The following DRC11 variants were observed in gnomAD, a reference collection of about 807,000 sequenced individuals.
DRC11 encodes the protein dynein regulatory complex subunit 11, also known as IQ and AAA domain-containing protein 1.
chr2:236,461,030 A>ACT, the DRC11 span, among the ~76,000 whole-genome samples: 973 of 152,330 alleles, frequency 6.4e-3, 12 homozygotes, highest in African/African-American at 0.021. This position sits in a 1 kb window ranked among gnomAD's most constrained non-coding sequence, Gnocchi z 4.0. Flanking sequence ...TATAGGGATT[A>ACT]CAGGTGTCAG....
At chr2:236,385,141 C>T in the DRC11 span, among the ~76,000 whole-genome samples, 49 of 151,950 alleles carry the variant, frequency 3.2e-4, no homozygotes, top group South Asian at 1.5e-3. Flanking sequence ...CTTGGCGACG[C>T]GGGCTCTTTT....
the DRC11 span, among the ~76,000 whole-genome samples, chr2:236,436,536 T>A: frequency 6.6e-6 from 1 of 152,162 alleles, no homozygotes; most frequent in African/African-American, 2.4e-5. Flanking sequence ...CTACTTGATT[T>A]TGCCAAATGG....
chr2:236,355,556 A>T, the DRC11 span, among the ~76,000 whole-genome samples: 2 of 152,002 alleles, frequency 1.3e-5, no homozygotes, highest in African/African-American at 2.4e-5. Flanking sequence ...GCTGCACTGG[A>T]GCCGCTAAAT....
the DRC11 span, among the ~76,000 whole-genome samples, chr2:236,504,884 G>T: frequency 6.6e-6 from 1 of 152,188 alleles, no homozygotes; most frequent in African/African-American, 2.4e-5. The surrounding 1 kb of genome is among the most constrained non-coding windows in gnomAD (Gnocchi z 5.0). Context: ...TGTCATGATT[G>T]TAAGTTTCCT....
At chr2:236,481,422 G>T in the DRC11 span, among the ~76,000 whole-genome samples, 16 of 152,124 alleles carry the variant, frequency 1.1e-4, no homozygotes, top group African/African-American at 3.1e-4. Context: ...GAATATAGAA[G>T]TCTGATTTTC....
At chr2:236,450,607 A>G in the DRC11 span, among the ~76,000 whole-genome samples, 39,586 of 151,986 alleles carry the variant, frequency 0.26, 5,451 homozygotes, top group African/African-American at 0.33. Flanking sequence ...CGTGAGCCAC[A>G]ATGCCCGGCC....
At chr2:236,345,440 C>A in the DRC11 span, among the ~76,000 whole-genome samples, 3 of 152,164 alleles carry the variant, frequency 2.0e-5, no homozygotes, top group African/African-American at 7.2e-5. Context: ...CAGTTTTCTG[C>A]TGAAAATGAA....
chr2:236,313,481 C>T, the DRC11 span, among the ~76,000 whole-genome samples: 8,150 of 152,194 alleles, frequency 0.054, 733 homozygotes, highest in African/African-American at 0.18. This position sits in a 1 kb window ranked among gnomAD's most constrained non-coding sequence, Gnocchi z 4.5. Context: ...ACTACCATTA[C>T]GGAAGATGGT....
chr2:236,504,199 T>TGGGG, the DRC11 span, among the ~76,000 whole-genome samples: 1 of 146,900 alleles, frequency 6.8e-6, no homozygotes, highest in Non-Finnish European at 1.5e-5. This position sits in a 1 kb window ranked among gnomAD's most constrained non-coding sequence, Gnocchi z 5.0. Context: ...TACACGGCGG[T>TGGGG]GGGGGGGGGC....
the DRC11 span, among the ~76,000 whole-genome samples, chr2:236,402,198 T>C: frequency 6.6e-6 from 1 of 152,148 alleles, no homozygotes; most frequent in East Asian, 1.9e-4. The surrounding 1 kb of genome is among the most constrained non-coding windows in gnomAD (Gnocchi z 6.0). Context: ...CCTCAGTTAC[T>C]TTCTGAGGCA....
the DRC11 span, among the ~76,000 whole-genome samples, chr2:236,462,330 A>G: frequency 6.6e-6 from 1 of 152,122 alleles, no homozygotes; most frequent in Non-Finnish European, 1.5e-5. The surrounding 1 kb of genome is among the most constrained non-coding windows in gnomAD (Gnocchi z 6.4). Context: ...GGAAGTCCCC[A>G]ACAGACCAGG....
At chr2:236,493,558 C>G in the DRC11 span, among the ~76,000 whole-genome samples, 1 of 152,148 alleles carries the variant, frequency 6.6e-6, no homozygotes, top group Non-Finnish European at 1.5e-5. Context: ...AGCTCTTGAT[C>G]TCAGTGTCTA....
the DRC11 span, among the ~76,000 whole-genome samples, chr2:236,306,726 T>C: frequency 1.3e-5 from 2 of 152,190 alleles, no homozygotes; most frequent in East Asian, 3.8e-4. This position sits in a 1 kb window ranked among gnomAD's most constrained non-coding sequence, Gnocchi z 5.9. Context: ...GGAAGGCATG[T>C]CAGATCCCTC....
chr2:236,488,324 G>A, the DRC11 span: 53 of 541,352 alleles, frequency 9.8e-5, 1 homozygote, highest in South Asian at 1.5e-3. Flanking sequence ...TGTGAGAACC[G>A]CTGAACACTG....
chr2:236,364,076 C>T, the DRC11 span: 1 of 998,366 alleles, frequency 1.0e-6, no homozygotes, highest in Non-Finnish European at 1.5e-6. Flanking sequence ...TCGTGTGACT[C>T]CACTTTCTGC....
At chr2:236,378,870 T>C in the DRC11 span, among the ~76,000 whole-genome samples, 2 of 152,122 alleles carry the variant, frequency 1.3e-5, no homozygotes, top group Non-Finnish European at 2.9e-5. Context: ...GACCAGCTGC[T>C]TCTTCGGCAG....
At chr2:236,414,239 A>G in the DRC11 span, among the ~76,000 whole-genome samples, 3 of 152,070 alleles carry the variant, frequency 2.0e-5, no homozygotes, top group African/African-American at 7.2e-5. Flanking sequence ...GATGAGGCCC[A>G]ATTTATACAT....
At chr2:236,438,866 A>C in the DRC11 span, among the ~76,000 whole-genome samples, 1 of 151,944 alleles carries the variant, frequency 6.6e-6, no homozygotes, top group East Asian at 1.9e-4. Context: ...ATAACAAACT[A>C]TCTCTCAGAC....
At chr2:236,351,046 G>A in the DRC11 span, among the ~76,000 whole-genome samples, 1 of 152,248 alleles carries the variant, frequency 6.6e-6, no homozygotes, top group South Asian at 2.1e-4. This position sits in a 1 kb window ranked among gnomAD's most constrained non-coding sequence, Gnocchi z 7.3. Context: ...GTGAAGGACT[G>A]CCATGGGGAA....
Sources: gnomAD v4.1 joint callset for allele counts (sites outside exome capture counted in the v4.1 genomes callset) on GRCh38, gnomAD v4.1.1 for gene constraint, Gnocchi (gnomAD v3.1) non-coding constraint, MANE v1.5 for transcripts, NCBI Gene and HGNC (gene_info 2026-07-23, HGNC 2026-07-21) for gene names.